SCNN1A: variants seen among roughly 807,000 people sequenced by gnomAD.
SCNN1A encodes the protein epithelial sodium channel subunit alpha.
A neutral mutation model predicts 68.6 loss-of-function variants in SCNN1A; 65 were observed. That is an observed-to-expected ratio of 0.95 (90% confidence interval 0.78 to 1.16). The LOEUF is 1.16. Among genes scored for constraint, SCNN1A ranks in the 50% most tolerant of loss-of-function variants. The probability of loss-of-function intolerance (pLI) is 0.00; values close to 1 mark genes in which losing one functional copy is unlikely to be tolerated. For missense variants in SCNN1A, 880 were observed against 865.9 expected (o/e 1.02, Z -0.20); for synonymous variants, 357 against 353.3 (o/e 1.01, Z -0.12).
intron 8 of SCNN1A, chr12:6,350,026 TAA>T: frequency 5.3e-6 from 1 of 187,684 alleles, no homozygotes; most frequent in South Asian, 7.7e-5. Flanking sequence ...GCACCTGGCC[TAA>T]AAAATAAATT....
At chr12:6,376,752 G>C (rs1245446150), upstream of SCNN1A, among the ~76,000 whole-genome samples, 2 of 152,110 alleles carry the variant, frequency 1.3e-5, no homozygotes, top group Non-Finnish European at 2.9e-5. Context: ...CCTGCACGCG[G>C]CAGGGAAGGC....
At position 6,355,356 on chromosome 12, in the gene SCNN1A, C is replaced by A. The variant is rs571599047; in HGVS notation, c.1059G>T (p.Val353=). The A allele has an allele frequency of 1.2e-6, 2 of 1,613,894 alleles. No homozygotes were observed. The highest frequency in any genetic ancestry group is 2.2e-5 in the South Asian group (2 of 91,024). ...TAAAGGCAGGTTCATCCTGCCCGTGCACCATTACCCGGGCCCCAGTCACTG... is the reference window on the plus strand; with the variant it reads ...TAAAGGCAGGTTCATCCTGCCCGTGAACCATTACCCGGGCCCCAGTCACTG... ...LSTVTGARVM[V]HGQDEPAFMD... is the part of the protein sequence containing the mutation. Residue 353 remains valine, a synonymous_variant, in exon 6 of 13, where the codon GTG becomes GTT. Coordinates refer to ENST00000228916, the MANE Select transcript of SCNN1A (RefSeq NM_001038.6).
intron 12 of SCNN1A, 61 bp from the exon 13 acceptor site, chr12:6,348,314 G>A (rs2136846994): frequency 2.5e-6 from 4 of 1,611,364 alleles, no homozygotes; most frequent in South Asian, 1.1e-5. Context: ...TCTGGCAGAG[G>A]AGCCCCCTTC....
Position 6,354,551 on chromosome 12 carries a change from C to T in SCNN1A, c.1247G>A (p.Cys416Tyr), listed in dbSNP as rs1483651678. 2 of 1,611,200 alleles carry T rather than the reference C, an allele frequency of 1.2e-6. No individual in the cohort carries two copies. The highest frequency in any genetic ancestry group is 1.7e-5 in the Admixed American group (1 of 60,012). The stretch of plus-strand genomic sequence containing the variant: ...GCTCTCCTGGAAGCAGGAGTGAATA[C>T]ACACCTGGAAGGGAGGAGGGTGGAG... ...LYPSKYTQQVCIHSCFQESMI... is the reference protein window; with the variant it reads ...LYPSKYTQQVYIHSCFQESMI... Residue 416 changes from cysteine (C) to tyrosine (Y), a missense_variant, in exon 8 of 13, where the codon TGT becomes TAT. Cys to Tyr is a radical substitution (Grantham distance 194, BLOSUM62 -2). Coordinates refer to ENST00000228916, the MANE Select transcript of SCNN1A (RefSeq NM_001038.6).
Position 6,370,568 on chromosome 12 carries a change from G to C in SCNN1A, c.416+3800C>G, listed in dbSNP as rs762182063. On this transcript the variant is annotated intron_variant, in intron 2 of 12. Transcript: ENST00000228916. ...CTAGGCCCCATCCCACCTGGGATGA[G>C]AAGGATCCAACCACCATGGCAGGGT... 6.9e-4 allele frequency among the ~76,000 whole-genome samples: 105 copies of C among 152,354 alleles called. 1 individual carries two copies. Among genetic ancestry groups the C allele is most frequent in the Admixed American group, 1.2e-3 (19 of 15,308 alleles).
intron 4 of SCNN1A, among the ~76,000 whole-genome samples, chr12:6,360,789 C>CT (rs1555112985): frequency 6.6e-6 from 1 of 152,176 alleles, no homozygotes; most frequent in Non-Finnish European, 1.5e-5. Context: ...GGACCCCCCC[C>CT]TCGCCTCAGC....
chr12:6,354,217 C>G (rs11609789), intron 8 of SCNN1A, among the ~76,000 whole-genome samples: 2 of 151,224 alleles, frequency 1.3e-5, no homozygotes, highest in African/African-American at 2.4e-5. Context: ...GGTGACAGAG[C>G]GAGACTCCAT....
chr12:6,347,635 G>A lies in SCNN1A; in HGVS notation c.*238C>T. The A allele has an allele frequency of 1.7e-6, 1 of 579,644 alleles. No individual in the cohort carries two copies. The highest frequency in any genetic ancestry group is 2.1e-5 in the South Asian group (1 of 47,130). The allele number at this position is 579,644 out of a possible 1,614,324, so 35.9% of individuals were successfully genotyped here. ...CGCAGTTGGGTGGGGAAACCAGAGT[G>A]TTCAGAGGCAGTACCAAGGGGTACA... is the stretch of plus-strand genomic sequence containing the variant. On this transcript the variant is annotated 3_prime_UTR_variant, in exon 13 of 13. Coordinates refer to ENST00000228916, the MANE Select transcript of SCNN1A (RefSeq NM_001038.6).
At chr12:6,363,177 A>G (rs1386407916) in intron 3 of SCNN1A, among the ~76,000 whole-genome samples, 1 of 151,582 alleles carries the variant, frequency 6.6e-6, no homozygotes, top group Non-Finnish European at 1.5e-5. Flanking sequence ...CATTTTCCAT[A>G]ATAAATTTGA....
At position 6,355,762 on chromosome 12, in the gene SCNN1A, C is replaced by T. The variant is rs1565479350; in HGVS notation, c.979+15G>A. On this transcript the variant is annotated intron_variant, in intron 5 of 12. Transcript: ENST00000228916. ...GAAGCAGAGGGCGCCATGGAGCAAG[C>T]AGGGAGCTTCTCACCGTTGTTGATT... 2 of 1,559,754 alleles carry T rather than the reference C, an allele frequency of 1.3e-6. No homozygotes were observed. Among genetic ancestry groups the T allele is most frequent in the African/African-American group, 2.7e-5 (2 of 73,722 alleles).
At chr12:6,356,217 T>C (rs1253728977) in intron 4 of SCNN1A, 1 of 387,910 alleles carries the variant, frequency 2.6e-6, no homozygotes, top group African/African-American at 2.0e-5. Flanking sequence ...TCACCGGCAT[T>C]GACTTCCGTG....
At chr12:6,353,250 A>G (rs537083749) in intron 8 of SCNN1A, among the ~76,000 whole-genome samples, 2 of 152,334 alleles carry the variant, frequency 1.3e-5, no homozygotes, top group Admixed American at 1.3e-4. Flanking sequence ...AATCTTAAAC[A>G]GGTCCAATAC....
rs1203963451 is a variant in SCNN1A at position 6,362,229 on chromosome 12, TGTTCTG to T, written c.691_696del (p.Gln231_Asn232del). The T allele has an allele frequency of 1.2e-6, 2 of 1,614,182 alleles. No individual in the cohort carries two copies. Among genetic ancestry groups the T allele is most frequent in the Admixed American group, 3.3e-5 (2 of 60,032 alleles). ...TATGTCTGGTAGAAGCAGTCCGATT[TGTTCTG>T]GTTGCACTGGACACAGAGACTAGAG... On this transcript the variant is annotated inframe_deletion, in exon 4 of 13. Coordinates refer to ENST00000228916, the MANE Select transcript of SCNN1A (RefSeq NM_001038.6).
At chr12:6,373,096 C>T in intron 2 of SCNN1A, among the ~76,000 whole-genome samples, 1 of 152,034 alleles carries the variant, frequency 6.6e-6, no homozygotes, top group African/African-American at 2.4e-5. Context: ...CTACCTGGGA[C>T]ATTATACAGA....
chr12:6,374,807 G>T lies in SCNN1A; in HGVS notation c.-24C>A, dbSNP rs1289105250. 1.5e-5 allele frequency: 24 copies of T among 1,613,874 alleles called. No individual in the cohort carries two copies. The highest frequency in any genetic ancestry group is 2.0e-5 in the Non-Finnish European group (24 of 1,180,010). On this transcript the variant is annotated 5_prime_UTR_variant, in exon 2 of 13. Coordinates refer to ENST00000228916, the MANE Select transcript of SCNN1A (RefSeq NM_001038.6). The surrounding 1 kb of genome is among the most constrained non-coding windows in gnomAD (Gnocchi z 6.2). ...ATGAGACCTGGTATGGGCTGCAGAG[G>T]TCTAGGGTCCTGCTCCTCCAGCTTG...
chr12:6,355,201 C>A, intron 6 of SCNN1A, 71 bp downstream of exon 6: 2 of 1,532,890 alleles, frequency 1.3e-6, no homozygotes, highest in Non-Finnish European at 8.9e-7. Flanking sequence ...CCTCTCCAGC[C>A]TCCCATGCCT....
rs545108113 is a variant in SCNN1A at position 6,375,519 on chromosome 12, G to A, written c.-69C>T. 1,460 of 1,535,356 alleles carry A rather than the reference G, an allele frequency of 9.5e-4. 22 individuals carry two copies. In the South Asian group the frequency reaches 0.016, roughly 17 times the overall value. ...CTCCCCCTCACCTGACAGGTGCAGCGGCCTGGCTGGGGAGCCCGCCCGCTG... is the reference window on the plus strand; with the variant it reads ...CTCCCCCTCACCTGACAGGTGCAGCAGCCTGGCTGGGGAGCCCGCCCGCTG... On this transcript the variant is annotated 5_prime_UTR_variant, in exon 1 of 13. Coordinates refer to ENST00000228916, the MANE Select transcript of SCNN1A (RefSeq NM_001038.6).
At chr12:6,369,307 G>C (rs560843870) in intron 2 of SCNN1A, among the ~76,000 whole-genome samples, 1 of 136,820 alleles carries the variant, frequency 7.3e-6, no homozygotes, top group Non-Finnish European at 1.7e-5. Flanking sequence ...CCTCCCTCCT[G>C]CCACCCTACG....
At chr12:6,365,220 G>A (rs1592078015) in intron 2 of SCNN1A, among the ~76,000 whole-genome samples, 2 of 152,054 alleles carry the variant, frequency 1.3e-5, no homozygotes, top group Middle Eastern at 3.4e-3. Flanking sequence ...GTTTCACCAC[G>A]TTGCCCAGGC....
Sources: allele counts gnomAD v4.1 joint callset (sites outside exome capture counted in the v4.1 genomes callset), GRCh38; gene constraint gnomAD v4.1.1; non-coding constraint Gnocchi (gnomAD v3.1); transcripts MANE v1.5; gene names NCBI Gene and HGNC (gene_info 2026-07-23, HGNC 2026-07-21).